Variants in THSD7A observed in about 807,000 individuals in gnomAD.
THSD7A encodes the protein thrombospondin type-1 domain-containing protein 7A.
In THSD7A, 96 loss-of-function variants were observed where a neutral mutation model predicts 231.3. The ratio of observed to expected loss-of-function variants is 0.41; its 90% CI spans 0.35 to 0.49. The LOEUF is 0.49. Ranked by LOEUF, THSD7A falls within the 20% of genes least tolerant of loss-of-function variation. The probability of loss-of-function intolerance (pLI) is 0.05; values close to 1 mark genes in which losing one functional copy is unlikely to be tolerated. For synonymous variants in THSD7A, 940 were observed against 743.3 expected (o/e 1.26, Z -4.30); for missense variants, 2,290 against 2,070.2 (o/e 1.11, Z -2.06).
At chr7:11,707,288 T>C (rs1374295072) in intron 1 of THSD7A, among the ~76,000 whole-genome samples, 1 of 150,904 alleles carries the variant, frequency 6.6e-6, no homozygotes, top group Non-Finnish European at 1.5e-5. Flanking sequence ...AAGGTAATCA[T>C]AGTATTCGTC....
chr7:11,457,284 T>A (rs1262675244), intron 11 of THSD7A, among the ~76,000 whole-genome samples: 2 of 152,058 alleles, frequency 1.3e-5, no homozygotes, highest in African/African-American at 4.8e-5. Context: ...ATAAACTGTA[T>A]AAAATATACT....
At chr7:11,413,778 A>ATATCT (rs2115389314) in intron 17 of THSD7A, 1 of 152,092 alleles carries the variant, frequency 6.6e-6, no homozygotes, top group East Asian at 1.9e-4. Context: ...GGCCTTTGAG[A>ATATCT]TATCTTTTCC....
chr7:11,718,663 T>A (rs115418076), intron 1 of THSD7A, among the ~76,000 whole-genome samples: 2,135 of 151,772 alleles, frequency 0.014, 58 homozygotes, highest in African/African-American at 0.047. Context: ...GAGCACAATT[T>A]TTTTAGTATA....
chr7:11,456,785 A>G (rs911382314), intron 11 of THSD7A, among the ~76,000 whole-genome samples: 1 of 152,044 alleles, frequency 6.6e-6, no homozygotes, highest in East Asian at 1.9e-4. Context: ...ACTAATTACA[A>G]AAAAACAGGC....
rs370424593 is a variant in THSD7A at position 11,636,936 on chromosome 7, A to G, written c.216T>C (p.Asp72=). The G allele has an allele frequency of 2.5e-5, 41 of 1,611,338 alleles. No homozygotes were observed. Among genetic ancestry groups the G allele is most frequent in the African/African-American group, 4.0e-5 (3 of 74,892 alleles). ...KTGPWGRCMG[D]ECGPGGIQTR... is the part of the protein sequence containing the mutation. ...TTTGGATGCCTCCGGGACCACATTC[A>G]TCTCCCATACATCGGCCCCATGGAC... Residue 72 remains aspartate, a synonymous_variant, in exon 2 of 28, where the codon GAT becomes GAC. Transcript: ENST00000423059. This position sits in a 1 kb window ranked among gnomAD's most constrained non-coding sequence, Gnocchi z 10.0.
At chr7:11,629,365 G>A (rs946307448) in intron 2 of THSD7A, among the ~76,000 whole-genome samples, 1 of 152,136 alleles carries the variant, frequency 6.6e-6, no homozygotes, top group South Asian at 2.1e-4. Context: ...TACTGACTCT[G>A]TTTAGTCAGG....
chr7:11,418,915 A>C (rs1274147017), intron 16 of THSD7A, among the ~76,000 whole-genome samples: 1 of 152,210 alleles, frequency 6.6e-6, no homozygotes, highest in African/African-American at 2.4e-5. Context: ...GAAAAAAATA[A>C]ATCAAATTGT....
intron 1 of THSD7A, among the ~76,000 whole-genome samples, chr7:11,759,847 A>G (rs1782798907): frequency 6.6e-6 from 1 of 152,092 alleles, no homozygotes; most frequent in African/African-American, 2.4e-5. Context: ...TACAAACTGC[A>G]TATTCTCATT....
chr7:11,745,966 T>C (rs1782285842), intron 1 of THSD7A, among the ~76,000 whole-genome samples: 1 of 152,102 alleles, frequency 6.6e-6, no homozygotes, highest in Non-Finnish European at 1.5e-5. Context: ...AAGTAGTTTT[T>C]TTCAATTCTG....
At chr7:11,713,828 G>T (rs1343677073) in intron 1 of THSD7A, among the ~76,000 whole-genome samples, 1 of 151,108 alleles carries the variant, frequency 6.6e-6, no homozygotes, top group Non-Finnish European at 1.5e-5. Flanking sequence ...GTCTTAAAAT[G>T]ACTTATATTT....
intron 6 of THSD7A, among the ~76,000 whole-genome samples, chr7:11,529,513 G>A (rs947116307): frequency 6.6e-6 from 1 of 152,038 alleles, no homozygotes; most frequent in Non-Finnish European, 1.5e-5. Flanking sequence ...TTTACATCAT[G>A]GGGATGGTTT....
chr7:11,773,459 G>A (rs1389651154), intron 1 of THSD7A, among the ~76,000 whole-genome samples: 4 of 152,012 alleles, frequency 2.6e-5, no homozygotes. Flanking sequence ...GAACCCGGGA[G>A]GCAGAGATTG....
intron 6 of THSD7A, among the ~76,000 whole-genome samples, chr7:11,483,241 AAGAC>A (rs1786503531): frequency 6.6e-6 from 1 of 152,228 alleles, no homozygotes; most frequent in East Asian, 1.9e-4. Context: ...CTTTAAAAAC[AAGAC>A]AGAAAATCAG....
At chr7:11,647,985 T>A (rs762042241) in intron 1 of THSD7A, among the ~76,000 whole-genome samples, 13 of 152,116 alleles carry the variant, frequency 8.5e-5, no homozygotes, top group Non-Finnish European at 1.8e-4. Flanking sequence ...CTAATGCAGA[T>A]GCTGCCTGAT....
Position 11,590,347 on chromosome 7 carries a change from T to C in THSD7A, c.1453+113A>G. On this transcript the variant is annotated intron_variant, in intron 4 of 27. Transcript: ENST00000423059. This position sits in a 1 kb window ranked among gnomAD's most constrained non-coding sequence, Gnocchi z 4.4. Reference sequence around the variant, plus strand: ...ACCATAGTGAATACCAACCACAATGTGAACAGAAATGCAGCCCTCATAACC... The same window carrying C: ...ACCATAGTGAATACCAACCACAATGCGAACAGAAATGCAGCCCTCATAACC... The C allele has an allele frequency of 1.9e-6, 2 of 1,077,534 alleles. No homozygotes were observed. Among genetic ancestry groups the C allele is most frequent in the Non-Finnish European group, 2.6e-6 (2 of 768,620 alleles). 66.7% of individuals were successfully genotyped at this position (1,077,534 alleles called of 1,614,324 possible).
intron 23 of THSD7A, among the ~76,000 whole-genome samples, chr7:11,400,344 T>C (rs1186739409): frequency 6.6e-6 from 1 of 152,210 alleles, no homozygotes; most frequent in Non-Finnish European, 1.5e-5. Flanking sequence ...TTCAGTTGAA[T>C]GCTTAGTTCA....
intron 1 of THSD7A, among the ~76,000 whole-genome samples, chr7:11,678,733 G>A (rs1783745315): frequency 6.6e-6 from 1 of 152,084 alleles, no homozygotes; most frequent in African/African-American, 2.4e-5. Context: ...AAATGCCTAG[G>A]ACAAGACAGA....
chr7:11,825,463 A>G (rs1342218605), intron 1 of THSD7A, among the ~76,000 whole-genome samples: 2 of 152,006 alleles, frequency 1.3e-5, no homozygotes, highest in African/African-American at 4.8e-5. Context: ...ATCAATTCGT[A>G]TTTTCTAGTG....
chr7:11,672,141 T>G (rs899589085), intron 1 of THSD7A, among the ~76,000 whole-genome samples: 3 of 152,166 alleles, frequency 2.0e-5, no homozygotes, highest in African/African-American at 4.8e-5. Context: ...GAAGCTGTGC[T>G]CATTTTCTGG....
Sources: gnomAD v4.1 joint callset for allele counts (sites outside exome capture counted in the v4.1 genomes callset) on GRCh38, gnomAD v4.1.1 for gene constraint, Gnocchi (gnomAD v3.1) non-coding constraint, MANE v1.5 for transcripts, NCBI Gene and HGNC (gene_info 2026-07-23, HGNC 2026-07-21) for gene names.